The following ELAPOR2 variants were observed in gnomAD, a reference collection of about 807,000 sequenced individuals.
ELAPOR2 encodes endosome/lysosome-associated apoptosis and autophagy regulator family member 2.
Under a neutral mutation model 120.7 loss-of-function variants are expected in ELAPOR2, and 89 were observed. The observed-to-expected ratio is 0.74, with a 90% CI of 0.62 to 0.88. The LOEUF is 0.88. ELAPOR2 is among the 40% of genes least tolerant of loss of function. The pLI is 0.00. For synonymous variants in ELAPOR2, 444 were observed against 444.9 expected, an observed-to-expected ratio of 1.00 and a Z score of 0.03; for missense variants, 1,134 against 1,251.6, an observed-to-expected ratio of 0.91 and a Z score of 1.42.
chr7:86,927,216 T>C (rs1378643203), intron 8 of ELAPOR2, among the ~76,000 whole-genome samples: 1 of 151,974 alleles, frequency 6.6e-6, no homozygotes. Flanking sequence ...TACTCTTCTA[T>C]CCATTCATTT....
intron 1 of ELAPOR2, among the ~76,000 whole-genome samples, chr7:86,977,662 G>C (rs987442201): frequency 5.3e-5 from 8 of 152,116 alleles, no homozygotes; most frequent in African/African-American, 1.9e-4. Flanking sequence ...AGCTTTGTCT[G>C]TTTTCCTACA....
At chr7:87,021,155 AGACT>A (rs796344844) in intron 1 of ELAPOR2, among the ~76,000 whole-genome samples, 50 of 152,250 alleles carry the variant, frequency 3.3e-4, no homozygotes, top group Middle Eastern at 3.4e-3. Context: ...AAACCCAGCC[AGACT>A]GAGTTCAACC....
At chr7:87,025,165 G>T (rs926598934) in intron 1 of ELAPOR2, among the ~76,000 whole-genome samples, 1 of 151,978 alleles carries the variant, frequency 6.6e-6, no homozygotes, top group Non-Finnish European at 1.5e-5. Flanking sequence ...AATTCAATTC[G>T]TTTAGATGAC....
intron 1 of ELAPOR2, among the ~76,000 whole-genome samples, chr7:86,979,896 C>G (rs958044186): frequency 6.6e-6 from 1 of 152,116 alleles, no homozygotes; most frequent in African/African-American, 2.4e-5. Flanking sequence ...AGTAAAGCCC[C>G]TTTCTCATCT....
At chr7:86,911,127 T>C (rs1023099192) in intron 15 of ELAPOR2, among the ~76,000 whole-genome samples, 8 of 152,212 alleles carry the variant, frequency 5.3e-5, no homozygotes, top group African/African-American at 1.7e-4. Context: ...TACAATAAGA[T>C]TGTGATAGAA....
chr7:86,914,254 T>C (rs1789457503), intron 13 of ELAPOR2, among the ~76,000 whole-genome samples: 1 of 152,166 alleles, frequency 6.6e-6, no homozygotes, highest in African/African-American at 2.4e-5. Flanking sequence ...GAAATGATTT[T>C]GTGTGTTAAC....
chr7:86,982,635 A>G (rs1792547601), intron 1 of ELAPOR2, among the ~76,000 whole-genome samples: 1 of 152,270 alleles, frequency 6.6e-6, no homozygotes, highest in Non-Finnish European at 1.5e-5. Flanking sequence ...AAGGAATAGC[A>G]TCAACATCAA....
chr7:86,897,525 G>T lies in ELAPOR2; in HGVS notation c.2666C>A (p.Ala889Asp). 1.2e-6 allele frequency: 2 copies of T among 1,612,594 alleles called. No homozygotes were observed. The highest frequency in any genetic ancestry group is 2.2e-5 in the South Asian group (2 of 90,950). ...TEHDFHEIEG[A>D]CKRGFQETLY... is the part of the protein sequence containing the mutation. ...CCTTACCTGAAATCCTCTCTTGCAGGCTCCCTCAATCTCATGGAAGTCATG... is the reference window on the plus strand; with the variant it reads ...CCTTACCTGAAATCCTCTCTTGCAGTCTCCCTCAATCTCATGGAAGTCATG... Residue 889 changes from alanine to aspartate, a missense_variant, in exon 19 of 22, where the codon GCC becomes GAC. Ala to Asp is a moderately radical substitution (Grantham distance 126, BLOSUM62 -2). Transcript: ENST00000450689.
At chr7:87,002,339 A>G (rs538896333) in intron 1 of ELAPOR2, among the ~76,000 whole-genome samples, 1 of 152,260 alleles carries the variant, frequency 6.6e-6, no homozygotes, top group Non-Finnish European at 1.5e-5. Flanking sequence ...GGAGAAAGCA[A>G]TGGGGTAGAG....
At chr7:86,952,851 T>C (rs1288665547) in intron 2 of ELAPOR2, among the ~76,000 whole-genome samples, 1 of 152,102 alleles carries the variant, frequency 6.6e-6, no homozygotes, top group Non-Finnish European at 1.5e-5. Flanking sequence ...TCCCAGCACT[T>C]TGGGAGGCTG....
At chr7:86,972,567 T>G (rs1792139830) in intron 1 of ELAPOR2, among the ~76,000 whole-genome samples, 1 of 151,328 alleles carries the variant, frequency 6.6e-6, no homozygotes, top group Non-Finnish European at 1.5e-5. Context: ...GGTTACAGAT[T>G]CAGGGACATC....
intron 1 of ELAPOR2, among the ~76,000 whole-genome samples, chr7:86,965,349 T>C (rs906130101): frequency 2.6e-5 from 4 of 152,180 alleles, no homozygotes; most frequent in Non-Finnish European, 5.9e-5. Flanking sequence ...CTGATAGATG[T>C]GAGTAGGAGA....
At chr7:87,039,881 G>T (rs1794709912) in intron 1 of ELAPOR2, among the ~76,000 whole-genome samples, 1 of 152,150 alleles carries the variant, frequency 6.6e-6, no homozygotes, top group Non-Finnish European at 1.5e-5. Flanking sequence ...ACTAGGGAGT[G>T]CCAGACAGAG....
At chr7:86,899,035 G>A (rs905703051) in intron 18 of ELAPOR2, among the ~76,000 whole-genome samples, 16 of 152,114 alleles carry the variant, frequency 1.1e-4, no homozygotes, top group African/African-American at 3.9e-4. Context: ...AACCTGAAAA[G>A]GTGGTTACCT....
chr7:87,029,755 T>C (rs960357046), intron 1 of ELAPOR2, among the ~76,000 whole-genome samples: 5 of 152,106 alleles, frequency 3.3e-5, no homozygotes, highest in Non-Finnish European at 4.4e-5. Flanking sequence ...GAAATATGGA[T>C]AAGATCACTC....
intron 1 of ELAPOR2, among the ~76,000 whole-genome samples, chr7:87,050,851 G>T (rs562493477): frequency 6.6e-6 from 1 of 152,166 alleles, no homozygotes; most frequent in African/African-American, 2.4e-5. Context: ...CTGATAGGAT[G>T]GATGTAGGAT....
In ELAPOR2 at chr7:86,938,856, T is replaced by C; in HGVS notation, c.952A>G (p.Lys318Glu). 6.2e-7 allele frequency: 1 copy of C among 1,613,392 alleles called. No homozygotes were observed. Residue 318 changes from lysine (K) to glutamate (E), a missense_variant, in exon 7 of 22, where the codon AAA becomes GAA. Around this residue, in one of 3 missense-constraint regions of ELAPOR2, gnomAD observed 831 missense variants for 867.6 expected, o/e 0.96. Transcript: ENST00000450689. The part of the protein sequence containing the change: ...QVCPRNTYSE[K>E]GAKECIRCKD... ...CACCTTATACATTCTTTGGCTCCTT[T>C]CTCAGAATAGGTGTTTCTGGGACAC...
intron 1 of ELAPOR2, among the ~76,000 whole-genome samples, chr7:87,016,868 A>C (rs1231860344): frequency 2.0e-5 from 3 of 152,108 alleles, no homozygotes; most frequent in Non-Finnish European, 4.4e-5. Context: ...AAAACAACAG[A>C]CTAAGCATGA....
intron 1 of ELAPOR2, among the ~76,000 whole-genome samples, chr7:86,977,061 C>T (rs1792306068): frequency 6.6e-6 from 1 of 152,180 alleles, no homozygotes; most frequent in South Asian, 2.1e-4. Flanking sequence ...ATAATACCAA[C>T]TCATATTTAT....
Sources: gnomAD v4.1 joint callset for allele counts (sites outside exome capture counted in the v4.1 genomes callset) on GRCh38, gnomAD v4.1.1 for gene constraint, gnomAD v4.1.1 regional missense constraint, MANE v1.5 for transcripts, NCBI Gene and HGNC (gene_info 2026-07-23, HGNC 2026-07-21) for gene names.